The following WBP1L variants were observed in gnomAD, a reference collection of about 807,000 sequenced individuals.
WBP1L encodes the protein WW domain binding protein 1-like.
Under a neutral mutation model 33.7 loss-of-function variants are expected in WBP1L, and 17 were observed. The ratio of observed to expected loss-of-function variants is 0.50; its 90% CI spans 0.34 to 0.76. WBP1L has a LOEUF of 0.76. WBP1L is among the 30% of genes least tolerant of loss of function. WBP1L has a pLI of 0.01. For synonymous variants in WBP1L, 173 were observed against 190.8 expected (o/e 0.91, Z 0.77); for missense variants, 389 against 469.4 (o/e 0.83, Z 1.58).
At chr10:102,767,786 C>G (rs1436537020) in intron 1 of WBP1L, among the ~76,000 whole-genome samples, 1 of 152,146 alleles carries the variant, frequency 6.6e-6, no homozygotes, top group East Asian at 1.9e-4. Flanking sequence ...GCCTAAAATA[C>G]TCCACTAAAA....
In WBP1L at chr10:102,815,509, C is replaced by T. The variant is rs1843925898; in HGVS notation, c.*2178C>T. 6.6e-6 allele frequency: 1 copy of T among 152,372 alleles called. No homozygotes were observed. Among genetic ancestry groups the T allele is most frequent in the African/African-American group, 2.4e-5 (1 of 41,570 alleles). The allele number at this position is 152,372 out of a possible 1,614,324, so 9.4% of individuals were successfully genotyped here. On this transcript the variant is annotated 3_prime_UTR_variant, in exon 4 of 4. Coordinates refer to ENST00000448841, the MANE Select transcript of WBP1L (RefSeq NM_001083913.2). ...CTGTGGCCCAGACATCGGCCCTGCC[C>T]AGAATTGCCAGGAGGAGGCTTTGCA... is the stretch of plus-strand genomic sequence containing the variant.
intron 1 of WBP1L, among the ~76,000 whole-genome samples, chr10:102,745,959 A>G (rs1842859248): frequency 6.6e-6 from 1 of 152,238 alleles, no homozygotes; most frequent in African/African-American, 2.4e-5. Context: ...GAATATAGTA[A>G]ATACAGAATT....
Position 102,815,413 on chromosome 10 carries a change from C to T in WBP1L, c.*2082C>T, listed in dbSNP as rs2134074172. The T allele has an allele frequency of 6.5e-6, 1 of 152,744 alleles. No individual in the cohort carries two copies. Among genetic ancestry groups the T allele is most frequent in the East Asian group, 1.9e-4 (1 of 5,190 alleles). The allele number at this position is 152,744 out of a possible 1,614,324, so 9.5% of individuals were successfully genotyped here. A position where few individuals can be genotyped will look rare whatever the true frequency, so the allele number is the denominator to read the frequency against. On this transcript the variant is annotated 3_prime_UTR_variant, in exon 4 of 4. Transcript: ENST00000448841. The stretch of plus-strand genomic sequence containing the variant: ...ACCAGCGCCCGGGGGTGTCCACAAC[C>T]ACTTGGGACAGAAGAAGGTGGAATT...
In WBP1L at chr10:102,791,363, C is replaced by T. The variant is rs557035453; in HGVS notation, c.91-6630C>T. On this transcript the variant is annotated intron_variant, in intron 1 of 3. Transcript: ENST00000448841. ...ACCTACCCAGCTATATTGCCAGAAG[C>T]GGAAACTCTCCCCTCCCACCCCCCG... Among the ~76,000 whole-genome samples, 6 of 152,252 alleles carry T rather than the reference C, an allele frequency of 3.9e-5. No homozygotes were observed. The South Asian group carries it at 6.2e-4, about 16-fold the overall frequency.
At position 102,777,495 on chromosome 10, in the gene WBP1L, A is replaced by T. The variant is rs993632283; in HGVS notation, c.91-20498A>T. Among the ~76,000 whole-genome samples, 3 of 150,676 alleles carry T rather than the reference A, an allele frequency of 2.0e-5. No homozygotes were observed. In the East Asian group the frequency reaches 5.9e-4, roughly 29 times the overall value. On this transcript the variant is annotated intron_variant, in intron 1 of 3. Transcript: ENST00000448841. ...TTGTTATCTTCAGAGTGTTGCGTTG[A>T]CACAGCTGATGGGCAGAGAGGTGAC... is the stretch of plus-strand genomic sequence containing the variant.
chr10:102,773,864 CA>C (rs11362638), intron 1 of WBP1L, among the ~76,000 whole-genome samples: 70,151 of 142,020 alleles, frequency 0.49, 17,585 homozygotes, highest in East Asian at 0.77. Flanking sequence ...AAAAACAAAA[CA>C]AAAAAAAAAA....
At chr10:102,766,464 GAAAA>G (rs921991611) in intron 1 of WBP1L, among the ~76,000 whole-genome samples, 1 of 143,056 alleles carries the variant, frequency 7.0e-6, no homozygotes. Context: ...AAAAAAAAAG[GAAAA>G]AAAATAAGTT....
chr10:102,809,359 T>C (rs1295659849), intron 2 of WBP1L, among the ~76,000 whole-genome samples: 1 of 151,718 alleles, frequency 6.6e-6, no homozygotes, highest in Non-Finnish European at 1.5e-5. Flanking sequence ...ATTACAGGCA[T>C]GAGCCACTGC....
intron 1 of WBP1L, among the ~76,000 whole-genome samples, chr10:102,795,765 A>C (rs1177429938): frequency 6.6e-6 from 1 of 152,242 alleles, no homozygotes; most frequent in Non-Finnish European, 1.5e-5. Context: ...TGCCGGAAGA[A>C]TGGCATTCGC....
At chr10:102,747,609 C>T in intron 1 of WBP1L, among the ~76,000 whole-genome samples, 1 of 152,240 alleles carries the variant, frequency 6.6e-6, no homozygotes, top group Non-Finnish European at 1.5e-5. Flanking sequence ...TCACTGCAGC[C>T]TCGACCTCCC....
chr10:102,794,936 G>A (rs796752818), intron 1 of WBP1L, among the ~76,000 whole-genome samples: 11 of 152,192 alleles, frequency 7.2e-5, no homozygotes, highest in African/African-American at 2.6e-4. Context: ...TCGTACCGCT[G>A]CAGCAGAAAA....
At chr10:102,784,178 C>G (rs986908082) in intron 1 of WBP1L, among the ~76,000 whole-genome samples, 1 of 152,024 alleles carries the variant, frequency 6.6e-6, no homozygotes, top group African/African-American at 2.4e-5. Context: ...TACTACCCCC[C>G]AGGAGGAGAG....
chr10:102,758,654 A>G (rs1305263483), intron 1 of WBP1L, among the ~76,000 whole-genome samples: 3 of 152,208 alleles, frequency 2.0e-5, no homozygotes, highest in African/African-American at 2.4e-5. Context: ...ACACAAGACA[A>G]AGAGATAAAG....
At chr10:102,803,035 C>A (rs187884017) in intron 2 of WBP1L, among the ~76,000 whole-genome samples, 328 of 152,226 alleles carry the variant, frequency 2.2e-3, no homozygotes, top group Non-Finnish European at 3.6e-3. Context: ...GAAGTAAAAC[C>A]AAAATGACCA....
chr10:102,797,817 C>T (rs1324747428), intron 1 of WBP1L, among the ~76,000 whole-genome samples, 176 bp from the exon 2 acceptor site: 1 of 152,174 alleles, frequency 6.6e-6, no homozygotes, highest in Non-Finnish European at 1.5e-5. Context: ...TCCCAAAGTG[C>T]TGGCAATACA....
In WBP1L at chr10:102,778,291, G is replaced by A. The variant is rs192392073; in HGVS notation, c.91-19702G>A. Reference sequence around the variant, plus strand: ...TGCTGGGCAGGAGCCCACAGCCAGGGGAGTGAGCTCTTGCATCTGTAGTCA... The same window carrying A: ...TGCTGGGCAGGAGCCCACAGCCAGGAGAGTGAGCTCTTGCATCTGTAGTCA... On this transcript the variant is annotated intron_variant, in intron 1 of 3. Transcript: ENST00000448841. Among the ~76,000 whole-genome samples the A allele has an allele frequency of 4.6e-5, 7 of 152,344 alleles. No individual in the cohort carries two copies. The East Asian group carries it at 1.4e-3, about 29-fold the overall frequency.
chr10:102,796,577 G>A (rs1843576485), intron 1 of WBP1L, among the ~76,000 whole-genome samples: 1 of 152,224 alleles, frequency 6.6e-6, no homozygotes, highest in African/African-American at 2.4e-5. Context: ...CTGTCCGCCG[G>A]ATGTGCACTG....
chr10:102,789,304 ACCT>A (rs1444898125), intron 1 of WBP1L, among the ~76,000 whole-genome samples: 1 of 152,110 alleles, frequency 6.6e-6, no homozygotes, highest in Non-Finnish European at 1.5e-5. Flanking sequence ...ATGAGATCTG[ACCT>A]CAGCTGAATT....
chr10:102,792,401 C>T (rs532411085), intron 1 of WBP1L, among the ~76,000 whole-genome samples: 1 of 152,276 alleles, frequency 6.6e-6, no homozygotes, highest in African/African-American at 2.4e-5. Context: ...AAAACATTGC[C>T]AGGAAGATGA....
Sources: gnomAD v4.1 joint callset for allele counts (sites outside exome capture counted in the v4.1 genomes callset) on GRCh38, gnomAD v4.1.1 for gene constraint, MANE v1.5 for transcripts, NCBI Gene and HGNC (gene_info 2026-07-23, HGNC 2026-07-21) for gene names.